SMC3: variants seen among roughly 807,000 people sequenced by gnomAD.
SMC3 encodes structural maintenance of chromosomes 3.
A neutral mutation model predicts 171.8 loss-of-function variants in SMC3; 20 were observed. The ratio of observed to expected loss-of-function variants is 0.12; its 90% CI spans 0.08 to 0.17. The LOEUF is 0.17. SMC3 is among the 10% of genes least tolerant of loss of function. SMC3 has a pLI of 1.00. For missense variants in SMC3, 543 were observed against 1,420.4 expected (o/e 0.38, Z 9.93); for synonymous variants, 464 against 451.1 (o/e 1.03, Z -0.36).
intron 13 of SMC3, 65 bp from the exon 14 acceptor site, chr10:110,589,540 C>T: frequency 1.9e-6 from 2 of 1,058,516 alleles, no homozygotes; most frequent in Non-Finnish European, 2.9e-6. Flanking sequence ...AACCACTGAT[C>T]TGCTTTCTAT....
intron 1 of SMC3, among the ~76,000 whole-genome samples, chr10:110,568,043 C>T (rs1045661944): frequency 1.1e-4 from 17 of 152,326 alleles, no homozygotes; most frequent in South Asian, 4.1e-4. Flanking sequence ...GCAGCCCCGG[C>T]CTCCCTGCTG....
At chr10:110,591,906 G>A (rs1397139039) in intron 17 of SMC3, among the ~76,000 whole-genome samples, 2 of 152,108 alleles carry the variant, frequency 1.3e-5, no homozygotes, top group East Asian at 1.9e-4. Context: ...AAAACATGAT[G>A]TATGAATGGA....
chr10:110,596,176 C>T (rs1463523676), intron 18 of SMC3, among the ~76,000 whole-genome samples: 30 of 146,512 alleles, frequency 2.0e-4, no homozygotes, highest in Admixed American at 2.1e-4. Context: ...GAGCTATGAC[C>T]GCACCACTGC....
At position 110,592,478 on chromosome 10, in the gene SMC3, C is replaced by A. The variant is rs570455947; in HGVS notation, c.1813-595C>A. 5.3e-5 allele frequency among the ~76,000 whole-genome samples: 8 copies of A among 152,070 alleles called. No homozygotes were observed. The South Asian group carries it at 1.7e-3, about 32-fold the overall frequency. ...ACACTGAATACTTAACTACATTTTT[C>A]TATATATGGGATATATTTTCATAAT... On this transcript the variant is annotated intron_variant, in intron 17 of 28. Coordinates refer to ENST00000361804, the MANE Select transcript of SMC3 (RefSeq NM_005445.4).
At chr10:110,591,206 G>A (rs372782066) in intron 17 of SMC3, 74 bp downstream of exon 17, 1 of 1,400,754 alleles carries the variant, frequency 7.1e-7, no homozygotes, top group African/African-American at 1.4e-5. Context: ...ACACATGCTA[G>A]TGCCCAGGCA....
chr10:110,591,256 C>A, intron 17 of SMC3, 124 bp downstream of exon 17: 3 of 986,502 alleles, frequency 3.0e-6, no homozygotes, highest in African/African-American at 1.6e-5. Flanking sequence ...ATAAAAATAT[C>A]TGTCTTCCCA....
chr10:110,578,043 G>T, intron 6 of SMC3, 129 bp downstream of exon 6: 1 of 685,502 alleles, frequency 1.5e-6, no homozygotes, highest in East Asian at 2.7e-5. Flanking sequence ...TAAAGTGCTA[G>T]GATTACAGAC....
rs147404470 is a variant in SMC3 at position 110,596,441 on chromosome 10, T to C, written c.2007T>C (p.Tyr669=). Residue 669 remains tyrosine (Y), a synonymous_variant, in exon 19 of 29, where the codon TAT becomes TAC. Transcript: ENST00000361804. The part of the protein sequence containing the change: ...SHRGALTGGY[Y]DTRKSRLELQ... Reference sequence around the variant, plus strand: ...GGGGTGCTCTAACTGGGGGTTATTATGACACAAGGAAGTCTCGACTTGAAT... The same window carrying C: ...GGGGTGCTCTAACTGGGGGTTATTACGACACAAGGAAGTCTCGACTTGAAT... The C allele has an allele frequency of 6.4e-3, 10,385 of 1,614,042 alleles. 37 individuals are homozygous for C. The highest frequency in any genetic ancestry group is 7.6e-3 in the Non-Finnish European group (8,970 of 1,179,956).
chr10:110,597,754 CT>C (rs1169923354), intron 19 of SMC3, among the ~76,000 whole-genome samples: 1 of 152,208 alleles, frequency 6.6e-6, no homozygotes, highest in African/African-American at 2.4e-5. Flanking sequence ...GGCAAGAACT[CT>C]TCATACATAA....
At chr10:110,571,102 G>A (rs1860864311) in intron 2 of SMC3, among the ~76,000 whole-genome samples, 1 of 152,084 alleles carries the variant, frequency 6.6e-6, no homozygotes, top group Admixed American at 6.5e-5. Context: ...TTATGGAAAA[G>A]CTAAAAGGAA....
intron 7 of SMC3, among the ~76,000 whole-genome samples, chr10:110,579,281 T>C (rs1456350478): frequency 6.6e-6 from 1 of 152,160 alleles, no homozygotes; most frequent in Non-Finnish European, 1.5e-5. Flanking sequence ...TTTTTCTAGA[T>C]ATGTATTGGA....
At position 110,600,512 on chromosome 10, in the gene SMC3, A is replaced by G; in HGVS notation, c.2501A>G (p.Glu834Gly). The G allele has an allele frequency of 6.3e-7, 1 of 1,589,942 alleles. No homozygotes were observed. Among genetic ancestry groups the G allele is most frequent in the Non-Finnish European group, 8.6e-7 (1 of 1,158,126 alleles). Reference sequence around the variant, plus strand: ...ACTCGAGTAGAGACTTATCTCAATGAGAATCTGAGAAAACGCTTGGACCAA... The same window carrying G: ...ACTCGAGTAGAGACTTATCTCAATGGGAATCTGAGAAAACGCTTGGACCAA... ...IITRVETYLN[E>G]NLRKRLDQVE... is the part of the protein sequence containing the mutation. The change falls in exon 22 of 29, where the codon GAG becomes GGG. Residue 834 changes from glutamate (E) to glycine (G), a missense_variant. By Grantham distance (98) the Glu-to-Gly change is moderately conservative. Transcript: ENST00000361804.
At chr10:110,592,850 T>C (rs1861229825) in intron 17 of SMC3, among the ~76,000 whole-genome samples, 1 of 152,224 alleles carries the variant, frequency 6.6e-6, no homozygotes. Context: ...CTAAACTCTT[T>C]AGCACTATTA....
At chr10:110,578,823 T>C (rs1445994071) in intron 7 of SMC3, 117 bp downstream of exon 7, 15 of 732,778 alleles carry the variant, frequency 2.0e-5, no homozygotes, top group East Asian at 8.1e-5. Flanking sequence ...CATATTCTTT[T>C]ACATGGCCAT....
chr10:110,599,843 C>T (rs200118579), intron 21 of SMC3, 31 bp downstream of exon 21: 14 of 1,609,124 alleles, frequency 8.7e-6, no homozygotes, highest in South Asian at 5.5e-5. Context: ...AAAAAGAATT[C>T]GTTAGTAATT....
intron 17 of SMC3, among the ~76,000 whole-genome samples, chr10:110,591,446 G>GT (rs1861203148): frequency 6.6e-6 from 1 of 152,176 alleles, no homozygotes; most frequent in African/African-American, 2.4e-5. Flanking sequence ...TGTTAAAAGC[G>GT]TAAGTACAGG....
At chr10:110,586,923 C>T (rs1564791360) in intron 13 of SMC3, among the ~76,000 whole-genome samples, 1 of 152,196 alleles carries the variant, frequency 6.6e-6, no homozygotes, top group Non-Finnish European at 1.5e-5. Flanking sequence ...TCCCAAAGTG[C>T]TGGGATTACA....
chr10:110,590,270 A>G (rs968178512), intron 15 of SMC3, 142 bp from the exon 16 acceptor site: 32 of 745,558 alleles, frequency 4.3e-5, no homozygotes, highest in Middle Eastern at 7.4e-4. Flanking sequence ...GCATATTGTG[A>G]GGAGGTGATG....
intron 17 of SMC3, among the ~76,000 whole-genome samples, chr10:110,592,859 T>C (rs1290731401): frequency 6.6e-6 from 1 of 152,236 alleles, no homozygotes; most frequent in African/African-American, 2.4e-5. Flanking sequence ...TTAGCACTAT[T>C]AGGCTCTACT....
Sources: allele counts gnomAD v4.1 joint callset (sites outside exome capture counted in the v4.1 genomes callset), GRCh38; gene constraint gnomAD v4.1.1; transcripts MANE v1.5; gene names NCBI Gene and HGNC (gene_info 2026-07-23, HGNC 2026-07-21).